Variants in ANKRD11 observed in about 807,000 individuals in gnomAD.
ANKRD11 encodes ankyrin repeat domain 11, also known as ankyrin repeat domain-containing protein 11.
In ANKRD11, 17 loss-of-function variants were observed where a neutral mutation model predicts 195.7. That is an observed-to-expected ratio of 0.09 (90% CI 0.06 to 0.13). ANKRD11 has a LOEUF of 0.13. Among genes scored for constraint, ANKRD11 ranks in the 10% least tolerant of loss-of-function variants. The pLI, the probability that ANKRD11 is intolerant of heterozygous loss-of-function variation, is 1.00. For synonymous variants in ANKRD11, 1,953 were observed against 1,528.1 expected, an observed-to-expected ratio of 1.28 and a Z score of -6.49; for missense variants, 3,735 against 3,566.1, an observed-to-expected ratio of 1.05 and a Z score of -1.21.
intron 2 of ANKRD11, among the ~76,000 whole-genome samples, chr16:89,413,765 A>C (rs1183663026): frequency 1.3e-5 from 2 of 152,176 alleles, no homozygotes; most frequent in Non-Finnish European, 2.9e-5. Flanking sequence ...GAAACAGCCG[A>C]CAAGCTCCCC....
intron 2 of ANKRD11, among the ~76,000 whole-genome samples, chr16:89,391,426 G>A (rs900171852): frequency 2.0e-5 from 3 of 152,120 alleles, no homozygotes; most frequent in Non-Finnish European, 4.4e-5. Context: ...AGGCTGCACG[G>A]GATTGTGGGA....
chr16:89,343,801 C>G (rs561204262), intron 2 of ANKRD11: 1 of 152,332 alleles, frequency 6.6e-6, no homozygotes, highest in Non-Finnish European at 1.5e-5. Context: ...CTCCCTCCAG[C>G]GGTCCCCGCG....
chr16:89,313,287 G>A (rs1361511233), intron 3 of ANKRD11: 1 of 1,281,876 alleles, frequency 7.8e-7, no homozygotes, highest in Non-Finnish European at 1.0e-6. Flanking sequence ...ATGGGGTGGG[G>A]ACGACACTGT....
chr16:89,466,844 C>G (rs1567845242), intron 1 of ANKRD11, among the ~76,000 whole-genome samples: 1 of 152,174 alleles, frequency 6.6e-6, no homozygotes, highest in African/African-American at 2.4e-5. Context: ...CGGGCATGTT[C>G]GAGAGTTTTT....
chr16:89,482,855 G>A (rs1461252317), intron 1 of ANKRD11, among the ~76,000 whole-genome samples: 2 of 152,224 alleles, frequency 1.3e-5, no homozygotes, highest in African/African-American at 4.8e-5. Context: ...ACTGAGGAAA[G>A]CACTACAGGC....
chr16:89,372,402 G>A (rs1309684018), intron 2 of ANKRD11, among the ~76,000 whole-genome samples: 7 of 152,108 alleles, frequency 4.6e-5, no homozygotes, highest in African/African-American at 9.7e-5. Flanking sequence ...CTCACAGCAC[G>A]GACGGGGTCG....
intron 1 of ANKRD11, among the ~76,000 whole-genome samples, chr16:89,459,610 T>TC (rs2056581045): frequency 6.6e-6 from 1 of 152,190 alleles, no homozygotes; most frequent in Admixed American, 6.5e-5. Context: ...AAAAACTGAT[T>TC]CCTAGTACTG....
chr16:89,304,631 CATG>C (rs1411712208), intron 4 of ANKRD11, among the ~76,000 whole-genome samples: 1 of 151,890 alleles, frequency 6.6e-6, no homozygotes, highest in Non-Finnish European at 1.5e-5. Context: ...CAGGCACACA[CATG>C]AGGGCATGCA....
intron 1 of ANKRD11, chr16:89,459,266 T>G (rs745963849): frequency 5.8e-5 from 10 of 171,886 alleles, no homozygotes; most frequent in Non-Finnish European, 1.3e-4. Context: ...GAGGGAACAG[T>G]GGTAAGAGTG....
At chr16:89,428,616 C>A (rs1275653423) in intron 1 of ANKRD11, among the ~76,000 whole-genome samples, 1 of 152,044 alleles carries the variant, frequency 6.6e-6, no homozygotes, top group Non-Finnish European at 1.5e-5. Flanking sequence ...CTGTCATAGG[C>A]CAGGCATGGT....
At chr16:89,276,882 CCT>C (rs2033700754) in intron 9 of ANKRD11, among the ~76,000 whole-genome samples, 3 of 152,114 alleles carry the variant, frequency 2.0e-5, no homozygotes, top group Middle Eastern at 6.8e-3. Context: ...ATGGTGAAAC[CCT>C]GTCTCTACAG....
In ANKRD11 at chr16:89,338,456, T is replaced by A. The variant is rs11861832; in HGVS notation, c.-59-21378A>T. On this transcript the variant is annotated intron_variant, in intron 2 of 12. Transcript: ENST00000301030. ...AAAAAAAAAAAAAAGGACCAGGCGC[T>A]GTGGCTCACACCTGTGTAATCCCAG... Among the ~76,000 whole-genome samples, 187 of 148,518 alleles carry A rather than the reference T, an allele frequency of 1.3e-3. 2 individuals are homozygous for A. The highest frequency in any genetic ancestry group is 4.4e-3 in the African/African-American group (177 of 40,366).
chr16:89,458,041 C>A (rs562042714), intron 1 of ANKRD11, among the ~76,000 whole-genome samples: 1 of 152,180 alleles, frequency 6.6e-6, no homozygotes, highest in African/African-American at 2.4e-5. Flanking sequence ...AGCCATCCAC[C>A]TGCAACTCTG....
chr16:89,287,073 T>A, intron 7 of ANKRD11: 1 of 1,289,820 alleles, frequency 7.8e-7, no homozygotes, highest in Non-Finnish European at 1.0e-6. Flanking sequence ...GAGGTCAAGG[T>A]GCTGGCAGGG....
chr16:89,358,646 C>G (rs2039594723), intron 2 of ANKRD11, among the ~76,000 whole-genome samples: 1 of 152,208 alleles, frequency 6.6e-6, no homozygotes, highest in Admixed American at 6.5e-5. Flanking sequence ...AAGATTTCAA[C>G]TGTTTACCCA....
chr16:89,302,201 G>A (rs1000613421), intron 4 of ANKRD11, among the ~76,000 whole-genome samples: 8 of 152,224 alleles, frequency 5.3e-5, no homozygotes, highest in Admixed American at 2.6e-4. Context: ...GAGCCACAGC[G>A]CCCAGCAGCC....
At chr16:89,325,469 T>TCA (rs59319003) in intron 2 of ANKRD11, among the ~76,000 whole-genome samples, 3,308 of 147,702 alleles carry the variant, frequency 0.022, 79 homozygotes, top group African/African-American at 0.054. Flanking sequence ...TCTCTCTCTC[T>TCA]CACACACACA....
At chr16:89,301,366 A>G (rs954874580) in intron 4 of ANKRD11, 23 of 394,650 alleles carry the variant, frequency 5.8e-5, no homozygotes, top group Non-Finnish European at 9.8e-5. Context: ...ATTTAATATG[A>G]ATGCTTTCAG....
At chr16:89,357,948 A>C (rs1205688925) in intron 2 of ANKRD11, among the ~76,000 whole-genome samples, 1 of 152,246 alleles carries the variant, frequency 6.6e-6, no homozygotes, top group Non-Finnish European at 1.5e-5. Context: ...AAATCCTTTC[A>C]AAACAATCAG....
Sources: allele counts gnomAD v4.1 joint callset (sites outside exome capture counted in the v4.1 genomes callset), GRCh38; gene constraint gnomAD v4.1.1; transcripts MANE v1.5; gene names NCBI Gene and HGNC (gene_info 2026-07-23, HGNC 2026-07-21).